TMEM123: variants seen among roughly 807,000 people sequenced by gnomAD.
TMEM123 encodes transmembrane protein 123.
A neutral mutation model predicts 19.7 loss-of-function variants in TMEM123; 16 were observed. The observed-to-expected ratio is 0.81, with a 90% CI of 0.55 to 1.23. TMEM123 has a LOEUF of 1.23. TMEM123 is among the 50% of genes most tolerant of loss of function. TMEM123 has a pLI of 0.00. For missense variants in TMEM123, 313 were observed against 257.8 expected (o/e 1.21, Z -1.47); for synonymous variants, 118 against 99.4 (o/e 1.19, Z -1.12).
chr11:102,409,778 T>C lies in TMEM123; in HGVS notation c.158-7572A>G, dbSNP rs185419545. ...AATCCGGGAGGCTGAGGCAGGAGAA[T>C]TGCTTGAACCTGGGAGGCAGAGGTT... On this transcript the variant is annotated intron_variant, in intron 2 of 4. Transcript: ENST00000398136. Among the ~76,000 whole-genome samples the C allele has an allele frequency of 3.0e-3, 460 of 152,052 alleles. 2 individuals are homozygous for C. Among genetic ancestry groups the C allele is most frequent in the African/African-American group, 0.011 (437 of 41,482 alleles).
intron 2 of TMEM123, among the ~76,000 whole-genome samples, chr11:102,440,578 C>A (rs571246174): frequency 6.6e-6 from 1 of 152,286 alleles, no homozygotes; most frequent in South Asian, 2.1e-4. Flanking sequence ...AACAACCGTA[C>A]CAGCCACTGC....
chr11:102,422,515 T>C (rs968527794), intron 2 of TMEM123, among the ~76,000 whole-genome samples: 3 of 152,102 alleles, frequency 2.0e-5, no homozygotes, highest in Admixed American at 6.6e-5. Flanking sequence ...AACACAAACA[T>C]CTGTGTTCTC....
chr11:102,436,048 G>A (rs1857759274), intron 2 of TMEM123, among the ~76,000 whole-genome samples: 1 of 151,290 alleles, frequency 6.6e-6, no homozygotes, highest in African/African-American at 2.4e-5. Flanking sequence ...CATGGTATGT[G>A]AATTACATCT....
At chr11:102,410,471 C>T (rs992042334) in intron 2 of TMEM123, among the ~76,000 whole-genome samples, 1 of 150,884 alleles carries the variant, frequency 6.6e-6, no homozygotes, top group African/African-American at 2.4e-5. Context: ...CATTCCATTC[C>T]GTTTCCACAG....
At chr11:102,412,685 T>C (rs1433086427) in intron 2 of TMEM123, among the ~76,000 whole-genome samples, 1 of 152,080 alleles carries the variant, frequency 6.6e-6, no homozygotes, top group East Asian at 1.9e-4. Flanking sequence ...AGACATCTCA[T>C]AAATGGATTA....
chr11:102,404,441 G>A (rs1474236122), intron 2 of TMEM123, among the ~76,000 whole-genome samples: 1 of 151,744 alleles, frequency 6.6e-6, no homozygotes, highest in Non-Finnish European at 1.5e-5. Flanking sequence ...ATGCCACGAC[G>A]CCTGGCTAAT....
intron 2 of TMEM123, among the ~76,000 whole-genome samples, chr11:102,421,372 G>A (rs1952085861): frequency 6.6e-6 from 1 of 152,182 alleles, no homozygotes. Context: ...TTGCAACCCT[G>A]AAAGGCTGTG....
rs1565345002 is a variant in TMEM123, at chr11:102,396,799, C to G, written c.*2068G>C. 6.6e-6 allele frequency: 1 copy of G among 152,056 alleles called. No individual in the cohort carries two copies. The highest frequency in any genetic ancestry group is 1.5e-5 in the Non-Finnish European group (1 of 68,012). 9.4% of individuals were successfully genotyped at this position (152,056 alleles called of 1,614,324 possible). ...AAGACATAACTAAACTACTTCAAAC[C>G]CAATGCAGAGGAAACTTTCAAGGCA... On this transcript the variant is annotated 3_prime_UTR_variant, in exon 5 of 5. Coordinates refer to ENST00000398136, the MANE Select transcript of TMEM123 (RefSeq NM_052932.3).
chr11:102,414,207 G>C (rs551512003), intron 2 of TMEM123, among the ~76,000 whole-genome samples: 1 of 152,116 alleles, frequency 6.6e-6, no homozygotes, highest in Non-Finnish European at 1.5e-5. Flanking sequence ...TATGTAAAGA[G>C]ACAAAAACCT....
At position 102,398,650 on chromosome 11, in the gene TMEM123, G is replaced by GT; in HGVS notation, c.*216dup. 1 of 455,408 alleles carries GT rather than the reference G, an allele frequency of 2.2e-6. No individual in the cohort carries two copies. The highest frequency in any genetic ancestry group is 3.5e-6 in the Non-Finnish European group (1 of 285,432). The allele number at this position is 455,408 out of a possible 1,614,324, so 28.2% of individuals were successfully genotyped here. ...TTACTATGAACTTGCTAAAACCATT[G>GT]TATGAACGGTCTATAAGGATCCAGA... On this transcript the variant is annotated 3_prime_UTR_variant, in exon 5 of 5. Transcript: ENST00000398136.
chr11:102,420,035 G>A (rs1234522656), intron 2 of TMEM123, among the ~76,000 whole-genome samples: 2 of 152,172 alleles, frequency 1.3e-5, no homozygotes, highest in African/African-American at 4.8e-5. Context: ...ATACTGGAAG[G>A]CAATGGGGAA....
intron 2 of TMEM123, among the ~76,000 whole-genome samples, chr11:102,433,519 C>T (rs930725307): frequency 2.2e-4 from 34 of 151,986 alleles, no homozygotes; most frequent in East Asian, 3.9e-4. Flanking sequence ...TTTGATTTTA[C>T]AGGCTCATAG....
rs1181543534 is a variant in TMEM123 at position 102,448,361 on chromosome 11, T to C, written c.157+451A>G. The C allele has an allele frequency of 1.1e-5, 5 of 448,366 alleles. No individual in the cohort carries two copies. The East Asian group carries it at 2.8e-4, about 25-fold the overall frequency. 27.8% of individuals were successfully genotyped at this position (448,366 alleles called of 1,614,324 possible). A position where few individuals can be genotyped will look rare whatever the true frequency, so the allele number is the denominator to read the frequency against. On this transcript the variant is annotated intron_variant, in intron 2 of 4. Coordinates refer to ENST00000398136, the MANE Select transcript of TMEM123 (RefSeq NM_052932.3). ...ACAGGGTAAGGGCCTCACCAAGTGTTTGGGTTGAGTCTGCCTAATGGGTGA... is the reference window on the plus strand; with the variant it reads ...ACAGGGTAAGGGCCTCACCAAGTGTCTGGGTTGAGTCTGCCTAATGGGTGA...
intron 2 of TMEM123, among the ~76,000 whole-genome samples, chr11:102,406,223 C>G (rs926765250): frequency 1.3e-5 from 2 of 152,176 alleles, no homozygotes; most frequent in Admixed American, 1.3e-4. Flanking sequence ...GTTGAAGAAT[C>G]TGAGGCGCAT....
chr11:102,408,003 T>C (rs372952607), intron 2 of TMEM123, among the ~76,000 whole-genome samples: 1 of 152,198 alleles, frequency 6.6e-6, no homozygotes, highest in African/African-American at 2.4e-5. Flanking sequence ...CTTTTGCAGA[T>C]CTTTGAAACT....
At chr11:102,433,967 T>C (rs1300816741) in intron 2 of TMEM123, among the ~76,000 whole-genome samples, 2 of 151,878 alleles carry the variant, frequency 1.3e-5, no homozygotes, top group Admixed American at 6.6e-5. Flanking sequence ...CTTTTCCTTA[T>C]AAATTATCCA....
intron 2 of TMEM123, among the ~76,000 whole-genome samples, chr11:102,439,782 C>T (rs543144174): frequency 6.6e-6 from 1 of 152,194 alleles, no homozygotes; most frequent in East Asian, 1.9e-4. Flanking sequence ...TCAAACCCAT[C>T]GCAAAGAAGC....
chr11:102,425,445 C>A (rs1307043256), intron 2 of TMEM123, among the ~76,000 whole-genome samples: 1 of 152,158 alleles, frequency 6.6e-6, no homozygotes, highest in Non-Finnish European at 1.5e-5. Flanking sequence ...CCCCTCACCA[C>A]TGTTCATGTT....
rs80115586 is a variant in TMEM123, at chr11:102,451,879, C to A, written c.100+645G>T. ...GCTGCGCAGCTGCCGCGCGCCTCGG[C>A]CGGGTGTTTATGGCACACGAGGGGT... On this transcript the variant is annotated intron_variant, in intron 1 of 4. Coordinates refer to ENST00000398136, the MANE Select transcript of TMEM123 (RefSeq NM_052932.3). Among the ~76,000 whole-genome samples the A allele has an allele frequency of 8.7e-3, 1,319 of 152,328 alleles. 22 individuals are homozygous for A. Among genetic ancestry groups the A allele is most frequent in the African/African-American group, 0.029 (1,199 of 41,572 alleles).
Sources: gnomAD v4.1 joint callset for allele counts (sites outside exome capture counted in the v4.1 genomes callset) on GRCh38, gnomAD v4.1.1 for gene constraint, MANE v1.5 for transcripts, NCBI Gene and HGNC (gene_info 2026-07-23, HGNC 2026-07-21) for gene names.